SPPL3: variants seen among roughly 807,000 people sequenced by gnomAD.
The protein encoded by SPPL3 is signal peptide peptidase like 3, also known as signal peptide peptidase-like 3.
In SPPL3, 5 loss-of-function variants were observed where a neutral mutation model predicts 42.4. That is an observed-to-expected ratio of 0.12 (90% CI 0.06 to 0.25). The LOEUF is 0.25. Ranked by LOEUF, SPPL3 falls within the 10% of genes least tolerant of loss-of-function variation. The pLI, the probability that SPPL3 is intolerant of heterozygous loss-of-function variation, is 1.00. For synonymous variants in SPPL3, 195 were observed against 181.8 expected, an observed-to-expected ratio of 1.07 and a Z score of -0.58; for missense variants, 235 against 489.0, an observed-to-expected ratio of 0.48 and a Z score of 4.90.
At chr12:120,801,951 C>A (rs977831246) in intron 2 of SPPL3, among the ~76,000 whole-genome samples, 1 of 152,122 alleles carries the variant, frequency 6.6e-6, no homozygotes, top group African/African-American at 2.4e-5. Context: ...AAGTTTATTA[C>A]AGACACTATA....
chr12:120,902,892 C>T lies in SPPL3; in HGVS notation c.23+953G>A, dbSNP rs183398884. On this transcript the variant is annotated intron_variant, in intron 1 of 10. Transcript: ENST00000353487. ...TGGATACTGCCATCATTCCTTCAAC[C>T]CGTCCTGCAAATATCCCACCTCTAC... 1.5e-3 allele frequency among the ~76,000 whole-genome samples: 227 copies of T among 152,284 alleles called. 2 individuals are homozygous for T. Among genetic ancestry groups the T allele is most frequent in the African/African-American group, 5.2e-3 (218 of 41,546 alleles).
chr12:120,795,356 C>A (rs116729077), intron 2 of SPPL3, among the ~76,000 whole-genome samples: 1,758 of 152,306 alleles, frequency 0.012, 44 homozygotes, highest in African/African-American at 0.04. Context: ...AAGGCTGGTA[C>A]CATTTTCATT....
intron 1 of SPPL3, among the ~76,000 whole-genome samples, chr12:120,884,795 GTT>G (rs144305547): frequency 1.4e-4 from 16 of 118,012 alleles, no homozygotes; most frequent in Middle Eastern, 5.0e-3. Flanking sequence ...GTTTTTTTGG[GTT>G]TTTTTTTTGG....
chr12:120,824,363 C>T (rs921965759), intron 1 of SPPL3, among the ~76,000 whole-genome samples: 2 of 151,666 alleles, frequency 1.3e-5, no homozygotes, highest in Non-Finnish European at 2.9e-5. Flanking sequence ...GCAAAAAAGA[C>T]AAAAAAGTGT....
chr12:120,818,653 A>G (rs1870956609), intron 1 of SPPL3, among the ~76,000 whole-genome samples: 1 of 152,186 alleles, frequency 6.6e-6, no homozygotes, highest in African/African-American at 2.4e-5. Flanking sequence ...CCCCAAAACC[A>G]AGCAACTACT....
chr12:120,778,413 G>T (rs1226184357), intron 6 of SPPL3, among the ~76,000 whole-genome samples: 2 of 151,936 alleles, frequency 1.3e-5, no homozygotes, highest in African/African-American at 2.4e-5. Context: ...CACCGCGCCC[G>T]GCCTGAACAG....
intron 2 of SPPL3, among the ~76,000 whole-genome samples, chr12:120,810,359 T>G (rs1870644017): frequency 6.6e-6 from 1 of 151,404 alleles, no homozygotes; most frequent in African/African-American, 2.4e-5. Context: ...TACTAAAGTT[T>G]TGTGACTACA....
chr12:120,769,088 G>A (rs201656286), intron 6 of SPPL3, 29 bp from the exon 7 acceptor site: 35 of 1,552,622 alleles, frequency 2.3e-5, no homozygotes, highest in Admixed American at 9.2e-5. Flanking sequence ...ACAGCAGACA[G>A]CAGTCAGTGT....
chr12:120,772,761 A>C (rs994809380), intron 6 of SPPL3, among the ~76,000 whole-genome samples: 2 of 152,136 alleles, frequency 1.3e-5, no homozygotes, highest in Non-Finnish European at 2.9e-5. Context: ...GAGGAGAAAA[A>C]GCTGCCTCAT....
chr12:120,877,961 G>T (rs1363269718), intron 1 of SPPL3, among the ~76,000 whole-genome samples: 2 of 151,960 alleles, frequency 1.3e-5, no homozygotes, highest in African/African-American at 4.8e-5. Context: ...GGCAGAGGTT[G>T]CAGTGAGCCA....
intron 1 of SPPL3, among the ~76,000 whole-genome samples, chr12:120,820,997 CTA>C (rs1418073159): frequency 6.6e-6 from 1 of 151,994 alleles, no homozygotes; most frequent in Admixed American, 6.6e-5. Flanking sequence ...ATGAAATATA[CTA>C]TATGTTAATA....
intron 2 of SPPL3, among the ~76,000 whole-genome samples, chr12:120,809,236 T>G (rs1242408214): frequency 6.6e-6 from 1 of 152,022 alleles, no homozygotes; most frequent in East Asian, 1.9e-4. Flanking sequence ...TCCCAGCTAT[T>G]CAGGAGGCCG....
chr12:120,793,623 C>T (rs562427301), intron 2 of SPPL3, among the ~76,000 whole-genome samples: 3 of 152,330 alleles, frequency 2.0e-5, no homozygotes, highest in Non-Finnish European at 2.9e-5. Flanking sequence ...GGAATGTGAA[C>T]TGGTGCAGAC....
chr12:120,894,302 C>T (rs1873733611), intron 1 of SPPL3, among the ~76,000 whole-genome samples: 1 of 152,006 alleles, frequency 6.6e-6, no homozygotes, highest in South Asian at 2.1e-4. Flanking sequence ...CCAGCCTGGG[C>T]AACAAGACCG....
chr12:120,873,815 T>C (rs1872999552), intron 1 of SPPL3, among the ~76,000 whole-genome samples: 1 of 152,002 alleles, frequency 6.6e-6, no homozygotes, highest in Non-Finnish European at 1.5e-5. Flanking sequence ...GAGGTTGCAG[T>C]GAGCCAAGAT....
chr12:120,795,956 C>G (rs768692858), intron 2 of SPPL3, among the ~76,000 whole-genome samples: 42 of 152,300 alleles, frequency 2.8e-4, no homozygotes, highest in Admixed American at 1.8e-3. Flanking sequence ...ATTTCCATTA[C>G]TGTGCCTTCA....
At chr12:120,774,998 A>G (rs868687361) in intron 6 of SPPL3, among the ~76,000 whole-genome samples, 28 of 152,220 alleles carry the variant, frequency 1.8e-4, no homozygotes, top group African/African-American at 5.3e-4. Flanking sequence ...CCAGTGAGTC[A>G]GGGACAAAGA....
chr12:120,772,165 G>A (rs1382136330), intron 6 of SPPL3, among the ~76,000 whole-genome samples: 10 of 152,136 alleles, frequency 6.6e-5, no homozygotes, highest in Admixed American at 6.5e-4. Flanking sequence ...GGGATTACAG[G>A]CATCCATCAC....
chr12:120,865,008 T>C (rs1872718568), intron 1 of SPPL3, among the ~76,000 whole-genome samples: 2 of 152,180 alleles, frequency 1.3e-5, no homozygotes, highest in African/African-American at 4.8e-5. Context: ...TCAATACAAA[T>C]GTTAACACAG....
Sources: gnomAD v4.1 joint callset for allele counts (sites outside exome capture counted in the v4.1 genomes callset) on GRCh38, gnomAD v4.1.1 for gene constraint, MANE v1.5 for transcripts, NCBI Gene and HGNC (gene_info 2026-07-23, HGNC 2026-07-21) for gene names.